KCNIP1: variants seen among roughly 807,000 people sequenced by gnomAD.
The protein encoded by KCNIP1 is potassium voltage-gated channel interacting protein 1.
Under a neutral mutation model 33.0 loss-of-function variants are expected in KCNIP1, and 18 were observed. That is an observed-to-expected ratio of 0.55 (90% CI 0.38 to 0.81). The LOEUF (loss-of-function observed/expected upper bound fraction) is 0.81. KCNIP1 is among the 30% of genes least tolerant of loss of function. The probability of loss-of-function intolerance (pLI) is 0.00; values close to 1 mark genes in which losing one functional copy is unlikely to be tolerated. For missense variants in KCNIP1, 238 were observed against 271.6 expected, an observed-to-expected ratio of 0.88 and a Z score of 0.87; for synonymous variants, 93 against 98.3, an observed-to-expected ratio of 0.95 and a Z score of 0.32.
intron 1 of KCNIP1, among the ~76,000 whole-genome samples, chr5:170,446,980 T>C (rs756839780): frequency 6.6e-6 from 1 of 152,248 alleles, no homozygotes; most frequent in Non-Finnish European, 1.5e-5. Flanking sequence ...TGGCTTAATT[T>C]AGGTTTATTT....
intron 1 of KCNIP1, among the ~76,000 whole-genome samples, chr5:170,527,585 T>C (rs1266093739): frequency 6.6e-6 from 1 of 151,764 alleles, no homozygotes; most frequent in Non-Finnish European, 1.5e-5. Flanking sequence ...AACCAGGCAG[T>C]TGAGTTTGAC....
At chr5:170,722,600 G>A (rs962305165) in intron 4 of KCNIP1, 113 bp from the exon 5 acceptor site, 4 of 747,246 alleles carry the variant, frequency 5.4e-6, no homozygotes, top group Middle Eastern at 2.3e-4. Flanking sequence ...AGGCAGACAA[G>A]AGGACGCAGG....
At chr5:170,462,264 C>CAAAAAAAA (rs760686464) in intron 1 of KCNIP1, among the ~76,000 whole-genome samples, 17 of 51,996 alleles carry the variant, frequency 3.3e-4, no homozygotes, top group East Asian at 8.2e-4. Context: ...AACAAATTAG[C>CAAAAAAAA]AAAAAAAAAA....
At chr5:170,606,961 T>TC (rs1261401009) in intron 1 of KCNIP1, among the ~76,000 whole-genome samples, 1 of 151,982 alleles carries the variant, frequency 6.6e-6, no homozygotes, top group African/African-American at 2.4e-5. Context: ...CAGGCTTCTG[T>TC]CCCCTGGCCT....
At chr5:170,667,229 T>C (rs1472696372) in intron 1 of KCNIP1, among the ~76,000 whole-genome samples, 1 of 151,846 alleles carries the variant, frequency 6.6e-6, no homozygotes, top group East Asian at 1.9e-4. Context: ...GGAGAATTGC[T>C]TGAACCTGGG....
At chr5:170,384,097 G>GC (rs1422880831) in intron 1 of KCNIP1, among the ~76,000 whole-genome samples, 1 of 152,176 alleles carries the variant, frequency 6.6e-6, no homozygotes, top group African/African-American at 2.4e-5. Flanking sequence ...GGCTACTCTT[G>GC]CAACAACCTG....
At chr5:170,633,829 G>A (rs560568754) in intron 1 of KCNIP1, among the ~76,000 whole-genome samples, 2 of 150,120 alleles carry the variant, frequency 1.3e-5, no homozygotes, top group South Asian at 4.2e-4. Flanking sequence ...TGCTGCACGA[G>A]AAGGAGAGCC....
At chr5:170,389,973 A>G (rs10050842) in intron 1 of KCNIP1, among the ~76,000 whole-genome samples, 73,057 of 151,978 alleles carry the variant, frequency 0.48, 17,869 homozygotes, top group African/African-American at 0.55. Context: ...GATTTATGGC[A>G]AGGGGAGAGA....
intron 1 of KCNIP1, among the ~76,000 whole-genome samples, chr5:170,671,112 C>A (rs1038034751): frequency 2.6e-5 from 4 of 152,140 alleles, no homozygotes; most frequent in Non-Finnish European, 5.9e-5. Flanking sequence ...CCATTCTGTT[C>A]TCTGCATTGC....
At chr5:170,666,192 T>A (rs1180421037) in intron 1 of KCNIP1, among the ~76,000 whole-genome samples, 1 of 152,252 alleles carries the variant, frequency 6.6e-6, no homozygotes, top group Non-Finnish European at 1.5e-5. Flanking sequence ...TGGATATTTA[T>A]GTTGACACTT....
chr5:170,452,817 G>A (rs951503975), intron 1 of KCNIP1, among the ~76,000 whole-genome samples: 5 of 152,048 alleles, frequency 3.3e-5, no homozygotes, highest in Admixed American at 6.6e-5. Flanking sequence ...CAAATGAGGC[G>A]ACAACAGAGG....
At chr5:170,718,672 C>A in intron 1 of KCNIP1, 86 bp from the exon 2 acceptor site, 1 of 1,535,342 alleles carries the variant, frequency 6.5e-7, no homozygotes, top group East Asian at 2.3e-5. Context: ...CAGGTCGTGA[C>A]ACCACTCTTT....
intron 1 of KCNIP1, among the ~76,000 whole-genome samples, chr5:170,592,837 G>A (rs1213794196): frequency 6.6e-6 from 1 of 152,210 alleles, no homozygotes; most frequent in African/African-American, 2.4e-5. Flanking sequence ...GCATGTGGCA[G>A]GTGCTGCCTA....
chr5:170,363,157 G>A (rs1763560263), intron 1 of KCNIP1, among the ~76,000 whole-genome samples: 1 of 152,196 alleles, frequency 6.6e-6, no homozygotes, highest in South Asian at 2.1e-4. Flanking sequence ...CAAACCAGGG[G>A]CTTTGAGAGG....
chr5:170,366,277 T>G (rs570899158), intron 1 of KCNIP1, among the ~76,000 whole-genome samples: 9 of 152,296 alleles, frequency 5.9e-5, no homozygotes, highest in African/African-American at 1.7e-4. Context: ...TAAAACCTTG[T>G]CTTTGTATAG....
At chr5:170,635,567 A>G (rs539452058) in intron 1 of KCNIP1, among the ~76,000 whole-genome samples, 89 of 152,240 alleles carry the variant, frequency 5.8e-4, no homozygotes, top group Non-Finnish European at 1.1e-3. Flanking sequence ...TACTAACCCT[A>G]GAGTTAGTAT....
chr5:170,448,875 C>T (rs1186711735), intron 1 of KCNIP1, among the ~76,000 whole-genome samples: 8 of 152,158 alleles, frequency 5.3e-5, no homozygotes, highest in Admixed American at 3.9e-4. Context: ...ATTATGAAAA[C>T]AACCCTACAA....
At chr5:170,607,146 T>C (rs1758955682) in intron 1 of KCNIP1, among the ~76,000 whole-genome samples, 1 of 152,218 alleles carries the variant, frequency 6.6e-6, no homozygotes, top group Non-Finnish European at 1.5e-5. Context: ...TGTTGGTCTC[T>C]CATGCCCAAG....
At chr5:170,726,227 T>C (rs918498826) in intron 5 of KCNIP1, among the ~76,000 whole-genome samples, 2 of 152,132 alleles carry the variant, frequency 1.3e-5, no homozygotes, top group African/African-American at 4.8e-5. Context: ...GATACCAGGA[T>C]ACCAAACCAA....
Sources: gnomAD v4.1 joint callset for allele counts (sites outside exome capture counted in the v4.1 genomes callset) on GRCh38, gnomAD v4.1.1 for gene constraint, MANE v1.5 for transcripts, NCBI Gene and HGNC (gene_info 2026-07-23, HGNC 2026-07-21) for gene names.